The following NLRP4 variants were observed in gnomAD, a reference collection of about 807,000 sequenced individuals.
The protein encoded by NLRP4 is NLR family pyrin domain containing 4.
Under a neutral mutation model 84.7 loss-of-function variants are expected in NLRP4, and 44 were observed. That is an observed-to-expected ratio of 0.52 (90% CI 0.41 to 0.67). The LOEUF (loss-of-function observed/expected upper bound fraction) is 0.67. Ranked by LOEUF, NLRP4 falls within the 30% of genes least tolerant of loss-of-function variation. The pLI is 0.00. For synonymous variants in NLRP4, 544 were observed against 476.4 expected (o/e 1.14, Z -1.85); for missense variants, 1,260 against 1,219.4 (o/e 1.03, Z -0.50).
At chr19:55,870,109 A>C (rs1277606580) in intron 6 of NLRP4, among the ~76,000 whole-genome samples, 1 of 152,032 alleles carries the variant, frequency 6.6e-6, no homozygotes, top group Non-Finnish European at 1.5e-5. Context: ...AAAAAAAAAA[A>C]AGTTTTGAAC....
chr19:55,842,943 T>C (rs922891400), intron 1 of NLRP4, among the ~76,000 whole-genome samples: 3 of 151,096 alleles, frequency 2.0e-5, no homozygotes, highest in Non-Finnish European at 4.5e-5. Context: ...GTGTATTTAG[T>C]AGAGATGGGG....
intron 1 of NLRP4, among the ~76,000 whole-genome samples, chr19:55,850,331 GAGGCTGCGGTGTAATT>G: frequency 1.5e-5 from 1 of 65,908 alleles, no homozygotes; most frequent in African/African-American, 2.0e-4. Context: ...TGTAATTTCC[GAGGCTGCGGTGTAATT>G]TCCGAGGCTG....
chr19:55,876,942 A>T, intron 7 of NLRP4, 54 bp from the exon 8 acceptor site: 4 of 1,465,764 alleles, frequency 2.7e-6, no homozygotes, highest in Non-Finnish European at 2.8e-6. Context: ...TCTTTTCCTG[A>T]TATTAGACTG....
At chr19:55,848,711 TC>T (rs1482407331) in intron 1 of NLRP4, among the ~76,000 whole-genome samples, 1 of 152,172 alleles carries the variant, frequency 6.6e-6, no homozygotes, top group Non-Finnish European at 1.5e-5. Context: ...TGTACTATAT[TC>T]TTTAAAAAGA....
intron 1 of NLRP4, among the ~76,000 whole-genome samples, chr19:55,849,324 T>G (rs934684700): frequency 1.3e-5 from 2 of 152,186 alleles, no homozygotes; most frequent in African/African-American, 4.8e-5. Flanking sequence ...TCTGTTATGC[T>G]TCCAGGCCCT....
intron 1 of NLRP4, among the ~76,000 whole-genome samples, chr19:55,849,973 A>C (rs140614737): frequency 1.4e-5 from 1 of 70,644 alleles, no homozygotes; most frequent in Admixed American, 1.3e-4. Context: ...TAATTTCCGT[A>C]GCTGCGGTGT....
chr19:55,869,108 A>G (rs79088293), intron 6 of NLRP4, among the ~76,000 whole-genome samples: 4,919 of 152,250 alleles, frequency 0.032, 183 homozygotes, highest in Middle Eastern at 0.12. Context: ...CTATCTGGAG[A>G]GAGATTTCAG....
At position 55,852,049 on chromosome 19, in the gene NLRP4, C is replaced by G. The variant is rs1011510106; in HGVS notation, c.-32C>G. ...TATTTATTGTTCCTGGTCACTGTCT[C>G]TTTGAGGATTGGTATCTCTGCTCCA... is the stretch of plus-strand genomic sequence containing the variant. On this transcript the variant is annotated 5_prime_UTR_variant, in exon 2 of 10. Transcript: ENST00000301295. The G allele has an allele frequency of 2.6e-6, 4 of 1,547,520 alleles. No individual in the cohort carries two copies. Among genetic ancestry groups the G allele is most frequent in the Non-Finnish European group, 3.5e-6 (4 of 1,143,000 alleles).
At chr19:55,855,925 A>T (rs1285150593) in intron 2 of NLRP4, among the ~76,000 whole-genome samples, 1 of 152,198 alleles carries the variant, frequency 6.6e-6, no homozygotes, top group Non-Finnish European at 1.5e-5. Context: ...TTAGAAATAC[A>T]CCACGACAGC....
At chr19:55,849,831 A>AAGCTGCGGTGTGATTTCCGT (rs1983950372) in intron 1 of NLRP4, among the ~76,000 whole-genome samples, 4 of 114,624 alleles carry the variant, frequency 3.5e-5, no homozygotes, top group Admixed American at 2.4e-4. Context: ...GTAATTTCCG[A>AAGCTGCGGTGTGATTTCCGT]AGCTGCGGTG....
intron 1 of NLRP4, among the ~76,000 whole-genome samples, chr19:55,850,164 A>G (rs1456652105): frequency 1.9e-5 from 2 of 103,888 alleles, no homozygotes; most frequent in African/African-American, 5.9e-5. Context: ...GCTGCGGTGT[A>G]ATTTCCGTGG....
rs11301833 is a variant in NLRP4, at chr19:55,852,476, G to GTTT, written c.280+133_280+135dup. 2.4e-3 allele frequency: 1,081 copies of GTTT among 443,116 alleles called. 1 individual carries two copies. The highest frequency in any genetic ancestry group is 4.2e-3 in the South Asian group (140 of 33,656). 27.4% of individuals were successfully genotyped at this position (443,116 alleles called of 1,614,324 possible). A position where few individuals can be genotyped will look rare whatever the true frequency, so the allele number is the denominator to read the frequency against. On this transcript the variant is annotated intron_variant, in intron 2 of 9. Coordinates refer to ENST00000301295, the MANE Select transcript of NLRP4 (RefSeq NM_134444.5). The stretch of plus-strand genomic sequence containing the variant: ...TGAATGTGCTATGGGAAAATATTAG[G>GTTT]TTTTTTTTTTTTTTTTTTTGGTAGA...
At chr19:55,878,650 G>A (rs1020957560) in intron 8 of NLRP4, 144 bp from the exon 9 acceptor site, 15 of 608,328 alleles carry the variant, frequency 2.5e-5, no homozygotes, top group Non-Finnish European at 3.9e-5. Context: ...CCACAGACGC[G>A]TGATCTGAGG....
rs573943599 is a variant in NLRP4, at chr19:55,859,784, C to T, written c.1856+535C>T. Reference sequence around the variant, plus strand: ...CTCCACTAAAAATACAAAAATTAGCCGGGTGTGTAGCGCACACCTGTAATC... The same window carrying T: ...CTCCACTAAAAATACAAAAATTAGCTGGGTGTGTAGCGCACACCTGTAATC... On this transcript the variant is annotated intron_variant, in intron 3 of 9. Transcript: ENST00000301295. 4.6e-5 allele frequency among the ~76,000 whole-genome samples: 7 copies of T among 151,468 alleles called. No individual in the cohort carries two copies. The East Asian group carries it at 7.9e-4, about 17-fold the overall frequency.
At chr19:55,839,222 A>G (rs898919170) in intron 1 of NLRP4, among the ~76,000 whole-genome samples, 3 of 152,038 alleles carry the variant, frequency 2.0e-5, no homozygotes, top group African/African-American at 7.2e-5. Context: ...GTGTGAGAAC[A>G]TGCAGTGTTT....
At chr19:55,846,162 A>G (rs1018702496) in intron 1 of NLRP4, among the ~76,000 whole-genome samples, 3 of 152,196 alleles carry the variant, frequency 2.0e-5, no homozygotes, top group African/African-American at 7.2e-5. Context: ...TAGGTCTAAC[A>G]TGTAAGTCTC....
rs371196816 is a variant in NLRP4 at position 55,870,848 on chromosome 19, C to T, written c.2376C>T (p.Ser792=). The change falls in exon 7 of 10, where the codon AGC becomes AGT. Residue 792 remains serine, a synonymous_variant. Transcript: ENST00000301295. ...ATAGGTTGGCTTTCTGCCACCTCAG[C>T]GAGCAGTGCTGCGAATACATCTCTG... ...VYLMLAFCHL[S]EQCCEYISEM... 2.1e-5 allele frequency: 34 copies of T among 1,613,656 alleles called. No individual in the cohort carries two copies. The highest frequency in any genetic ancestry group is 8.0e-5 in the African/African-American group (6 of 75,042).
chr19:55,854,038 C>T (rs528143382), intron 2 of NLRP4, among the ~76,000 whole-genome samples: 20 of 151,916 alleles, frequency 1.3e-4, no homozygotes, highest in Non-Finnish European at 2.2e-4. Context: ...GGTGCAATCT[C>T]GGCCCACTGC....
chr19:55,859,943 A>AAAC (rs1568666203), intron 3 of NLRP4, among the ~76,000 whole-genome samples: 3 of 125,658 alleles, frequency 2.4e-5, no homozygotes, highest in Admixed American at 8.2e-5. Context: ...AAAAAAAAAA[A>AAAC]AAAAAAAAAC....
Sources: allele counts gnomAD v4.1 joint callset (sites outside exome capture counted in the v4.1 genomes callset), GRCh38; gene constraint gnomAD v4.1.1; transcripts MANE v1.5; gene names NCBI Gene and HGNC (gene_info 2026-07-23, HGNC 2026-07-21).